Variants in NLGN1 observed in about 807,000 individuals in gnomAD.
The protein encoded by NLGN1 is neuroligin-1.
Under a neutral mutation model 65.5 loss-of-function variants are expected in NLGN1, and 12 were observed. The observed-to-expected ratio is 0.18, with a 90% confidence interval of 0.12 to 0.30. NLGN1 has a LOEUF of 0.30. Ranked by LOEUF, NLGN1 falls within the 10% of genes least tolerant of loss-of-function variation. The pLI is 1.00. For missense variants in NLGN1, 750 were observed against 1,007.1 expected, an observed-to-expected ratio of 0.74 and a Z score of 3.46; for synonymous variants, 350 against 359.5, an observed-to-expected ratio of 0.97 and a Z score of 0.30.
At chr3:173,815,068 C>T in intron 4 of NLGN1, among the ~76,000 whole-genome samples, 1 of 149,132 alleles carries the variant, frequency 6.7e-6, no homozygotes, top group African/African-American at 2.5e-5. Flanking sequence ...CTCCTTCCTT[C>T]TTTCCTTCGT....
intron 4 of NLGN1, among the ~76,000 whole-genome samples, chr3:173,924,788 T>G (rs1175594506): frequency 6.6e-6 from 1 of 152,124 alleles, no homozygotes; most frequent in African/African-American, 2.4e-5. Flanking sequence ...AAATATTCTT[T>G]TAGAAGGTAT....
At chr3:173,925,114 G>A (rs967864293) in intron 4 of NLGN1, among the ~76,000 whole-genome samples, 2 of 152,024 alleles carry the variant, frequency 1.3e-5, no homozygotes, top group Non-Finnish European at 2.9e-5. Flanking sequence ...GGTGGGGGAA[G>A]AAGATGAGAA....
chr3:173,914,043 A>G (rs1047371774), intron 4 of NLGN1, among the ~76,000 whole-genome samples: 2 of 152,156 alleles, frequency 1.3e-5, no homozygotes, highest in East Asian at 3.9e-4. Flanking sequence ...AGCAAGTCAA[A>G]GTGATCTCAT....
intron 3 of NLGN1, among the ~76,000 whole-genome samples, chr3:173,771,743 G>A (rs1468232342): frequency 9.9e-6 from 1 of 100,788 alleles, no homozygotes; most frequent in Non-Finnish European, 2.3e-5. Context: ...GTAAGTTTAT[G>A]CCAACTTTTA....
At chr3:173,734,349 A>G (rs1253273750) in intron 3 of NLGN1, among the ~76,000 whole-genome samples, 1 of 124,074 alleles carries the variant, frequency 8.1e-6, no homozygotes, top group Non-Finnish European at 1.7e-5. Flanking sequence ...ATTGAGAATT[A>G]TATCAGATAA....
intron 4 of NLGN1, among the ~76,000 whole-genome samples, chr3:174,028,108 C>A (rs1045922179): frequency 2.6e-5 from 4 of 152,180 alleles, no homozygotes; most frequent in African/African-American, 9.7e-5. Context: ...CCATGTTTAA[C>A]AGTGAGTCAA....
At chr3:173,945,343 A>C (rs1746953411) in intron 4 of NLGN1, among the ~76,000 whole-genome samples, 1 of 151,998 alleles carries the variant, frequency 6.6e-6, no homozygotes, top group Admixed American at 6.6e-5. Context: ...GTGGGTGTAA[A>C]CCTAATTTCC....
At chr3:173,983,818 A>T (rs1203997033) in intron 4 of NLGN1, among the ~76,000 whole-genome samples, 3 of 152,134 alleles carry the variant, frequency 2.0e-5, no homozygotes, top group Non-Finnish European at 4.4e-5. Context: ...TTTCTATCAC[A>T]TTAATATGTT....
chr3:173,976,075 G>A (rs1346818192), intron 4 of NLGN1, among the ~76,000 whole-genome samples: 1 of 151,912 alleles, frequency 6.6e-6, no homozygotes, highest in Admixed American at 6.6e-5. Context: ...GTGTACAATT[G>A]GAGTTGTGGA....
chr3:173,622,996 A>G (rs1000311186), intron 3 of NLGN1, among the ~76,000 whole-genome samples: 4 of 152,144 alleles, frequency 2.6e-5, no homozygotes, highest in Non-Finnish European at 4.4e-5. Context: ...GAGCTTCTAA[A>G]TGCATTCTAT....
At chr3:173,710,371 A>T (rs1156252031) in intron 3 of NLGN1, among the ~76,000 whole-genome samples, 2 of 152,156 alleles carry the variant, frequency 1.3e-5, no homozygotes, top group Non-Finnish European at 2.9e-5. Context: ...AAATCTTTAC[A>T]TAGATTTCCC....
intron 4 of NLGN1, among the ~76,000 whole-genome samples, chr3:174,164,829 GTGCTGTGTAAAATGACATTCCAA>G (rs1263039999): frequency 6.6e-6 from 1 of 151,346 alleles, no homozygotes; most frequent in East Asian, 1.9e-4. Context: ...TTTTTTTCCA[GTGCTGTGTAAAATGACATTCCAA>G]TGCTGTGTAA....
intron 4 of NLGN1, among the ~76,000 whole-genome samples, chr3:174,099,860 G>T (rs956713394): frequency 5.9e-5 from 9 of 152,082 alleles, no homozygotes; most frequent in Non-Finnish European, 1.3e-4. Flanking sequence ...CATTCTCAAG[G>T]CAATAGAGTG....
At chr3:174,276,466 CTTTT>C (rs71949229) in intron 5 of NLGN1, among the ~76,000 whole-genome samples, 6,388 of 151,892 alleles carry the variant, frequency 0.042, 425 homozygotes, top group African/African-American at 0.15. Flanking sequence ...CACCATCTTT[CTTTT>C]AATTTCTGAT....
At chr3:174,158,063 G>A (rs1445330339) in intron 4 of NLGN1, among the ~76,000 whole-genome samples, 5 of 151,618 alleles carry the variant, frequency 3.3e-5, no homozygotes, top group Non-Finnish European at 7.4e-5. Context: ...AGAGAGTATT[G>A]GTGACAAATG....
At chr3:173,999,072 T>G (rs1722804936) in intron 4 of NLGN1, among the ~76,000 whole-genome samples, 1 of 152,198 alleles carries the variant, frequency 6.6e-6, no homozygotes, top group African/African-American at 2.4e-5. Context: ...TTCTCCAACT[T>G]AGAAACTTTT....
chr3:173,554,039 T>C lies in NLGN1; in HGVS notation c.-320-50240T>C, dbSNP rs568109463. On this transcript the variant is annotated intron_variant, in intron 2 of 6. Transcript: ENST00000457714. Reference sequence around the variant, plus strand: ...TGATTCTTGGACATTTATTTTTGATTATCTTTGTAATAGCAGTTGATTCAA... The same window carrying C: ...TGATTCTTGGACATTTATTTTTGATCATCTTTGTAATAGCAGTTGATTCAA... Among the ~76,000 whole-genome samples the C allele has an allele frequency of 2.6e-5, 4 of 152,318 alleles. No homozygotes were observed. The East Asian group carries it at 7.7e-4, about 29-fold the overall frequency.
At chr3:173,867,920 C>T (rs1261736788) in intron 4 of NLGN1, among the ~76,000 whole-genome samples, 1 of 152,140 alleles carries the variant, frequency 6.6e-6, no homozygotes, top group Non-Finnish European at 1.5e-5. Flanking sequence ...CTAGATATAA[C>T]AGCTACAGCC....
chr3:174,103,139 G>A (rs1159293658), intron 4 of NLGN1, among the ~76,000 whole-genome samples: 1 of 152,116 alleles, frequency 6.6e-6, no homozygotes, highest in Non-Finnish European at 1.5e-5. Context: ...GACATTTGGG[G>A]TTTTTGCATT....
Sources: allele counts gnomAD v4.1 joint callset (sites outside exome capture counted in the v4.1 genomes callset), GRCh38; gene constraint gnomAD v4.1.1; transcripts MANE v1.5; gene names NCBI Gene and HGNC (gene_info 2026-07-23, HGNC 2026-07-21).